Variants in GNAL observed in about 807,000 individuals in gnomAD.
GNAL encodes G protein subunit alpha L, also known as guanine nucleotide-binding protein G(olf) subunit alpha.
GNAL carries 18 observed loss-of-function variants against 55.1 expected under a neutral mutation model. The observed-to-expected ratio is 0.33, with a 90% CI of 0.23 to 0.48. GNAL has a LOEUF of 0.48. Ranked by LOEUF, GNAL falls within the 20% of genes least tolerant of loss-of-function variation. The probability of loss-of-function intolerance (pLI) is 0.99; values close to 1 mark genes in which losing one functional copy is unlikely to be tolerated. For synonymous variants in GNAL, 253 were observed against 237.0 expected (o/e 1.07, Z -0.62); for missense variants, 412 against 614.1 (o/e 0.67, Z 3.48).
At chr18:11,773,635 AT>A (rs1209742343) in intron 4 of GNAL, among the ~76,000 whole-genome samples, 1 of 152,076 alleles carries the variant, frequency 6.6e-6, no homozygotes, top group Non-Finnish European at 1.5e-5. Context: ...AATAAAAAAA[AT>A]AGCCGGGCAT....
intron 1 of GNAL, among the ~76,000 whole-genome samples, chr18:11,704,295 G>C (rs1167904095): frequency 6.6e-6 from 1 of 152,206 alleles, no homozygotes; most frequent in Admixed American, 6.5e-5. Flanking sequence ...ATCACACAGT[G>C]TATTTGGAAT....
intron 11 of GNAL, among the ~76,000 whole-genome samples, chr18:11,879,475 G>T (rs1013930123): frequency 6.6e-6 from 1 of 152,152 alleles, no homozygotes; most frequent in Non-Finnish European, 1.5e-5. Flanking sequence ...CTGGAGGCTG[G>T]AAGTCTGAAA....
At chr18:11,832,455 A>T (rs1038539659) in intron 5 of GNAL, among the ~76,000 whole-genome samples, 1 of 152,164 alleles carries the variant, frequency 6.6e-6, no homozygotes, top group African/African-American at 2.4e-5. Context: ...CACTGATTTG[A>T]TCCTATGGCT....
intron 4 of GNAL, among the ~76,000 whole-genome samples, chr18:11,818,646 G>A (rs2143614041): frequency 6.6e-6 from 1 of 152,334 alleles, no homozygotes; most frequent in South Asian, 2.1e-4. Flanking sequence ...AGTGAGTTTT[G>A]TGGAACCGCA....
intron 11 of GNAL, among the ~76,000 whole-genome samples, chr18:11,876,929 G>A (rs979500964): frequency 6.6e-6 from 1 of 152,160 alleles, no homozygotes; most frequent in African/African-American, 2.4e-5. Context: ...GCGTTCCAGG[G>A]AATGGCACTT....
chr18:11,756,999 A>T (rs1047907221), intron 4 of GNAL, among the ~76,000 whole-genome samples: 1 of 152,240 alleles, frequency 6.6e-6, no homozygotes, highest in Admixed American at 6.5e-5. Flanking sequence ...AAACAAATAC[A>T]TTATATTAAA....
chr18:11,695,134 T>C (rs935373103), intron 1 of GNAL, among the ~76,000 whole-genome samples: 14 of 152,308 alleles, frequency 9.2e-5, no homozygotes, highest in African/African-American at 3.4e-4. Context: ...GGGGAGTGCG[T>C]GCCCTGTCTA....
In GNAL at chr18:11,785,396, A is replaced by G. The variant is rs149199449; in HGVS notation, c.624+31451A>G. Among the ~76,000 whole-genome samples the G allele has an allele frequency of 2.9e-3, 438 of 152,298 alleles. 3 individuals carry two copies. Among genetic ancestry groups the G allele is most frequent in the African/African-American group, 9.7e-3 (405 of 41,574 alleles). ...AAGCCTGTATGCCTCCAAGCCCCCA[A>G]TAAGTAGAACAATGGGAAATGCAAA... On this transcript the variant is annotated intron_variant, in intron 4 of 11. Coordinates refer to ENST00000334049, the MANE Select transcript of GNAL (RefSeq NM_182978.4).
chr18:11,853,569 A>T (rs2035932638), intron 5 of GNAL: 1 of 167,044 alleles, frequency 6.0e-6, no homozygotes, highest in African/African-American at 2.4e-5. Flanking sequence ...TCTTTGAAAG[A>T]TTCATAACCA....
chr18:11,799,098 G>A (rs1476870381), intron 4 of GNAL, among the ~76,000 whole-genome samples: 1 of 151,438 alleles, frequency 6.6e-6, no homozygotes. Context: ...GGGCAACAGA[G>A]CGAGAGTCTG....
At chr18:11,852,606 GGTTTTT>G (rs1277245522) in intron 5 of GNAL, 5 of 58,562 alleles carry the variant, frequency 8.5e-5, no homozygotes, top group African/African-American at 4.1e-4. Flanking sequence ...TTTGGGTTTT[GGTTTTT>G]GTTTTTTTTT....
chr18:11,762,281 A>G (rs913991049), intron 4 of GNAL, among the ~76,000 whole-genome samples: 1 of 152,212 alleles, frequency 6.6e-6, no homozygotes, highest in African/African-American at 2.4e-5. Context: ...CAGTGGGGCC[A>G]CATGGAGGTC....
intron 4 of GNAL, among the ~76,000 whole-genome samples, chr18:11,824,575 T>C (rs1617792): frequency 0.68 from 103,709 of 151,698 alleles, 37,501 homozygotes; most frequent in Admixed American, 0.81. Flanking sequence ...GTAATCCCAG[T>C]TTCTCGGGAG....
chr18:11,695,926 A>ACGCACG (rs1567988375), intron 1 of GNAL, among the ~76,000 whole-genome samples: 3 of 143,628 alleles, frequency 2.1e-5, no homozygotes, highest in African/African-American at 5.6e-5. Flanking sequence ...ACGCATGCAC[A>ACGCACG]CACACACACA....
At chr18:11,784,820 T>C (rs1009163919) in intron 4 of GNAL, among the ~76,000 whole-genome samples, 1 of 152,062 alleles carries the variant, frequency 6.6e-6, no homozygotes, top group African/African-American at 2.4e-5. Context: ...GCGTGCTCTG[T>C]TGGATTATGA....
chr18:11,787,699 C>A (rs1170184231), intron 4 of GNAL, among the ~76,000 whole-genome samples: 1 of 152,036 alleles, frequency 6.6e-6, no homozygotes, highest in Non-Finnish European at 1.5e-5. Context: ...ACAGTGAAAC[C>A]CCATCTCTAC....
intron 5 of GNAL, among the ~76,000 whole-genome samples, chr18:11,827,276 A>G (rs1346762928): frequency 6.6e-6 from 1 of 152,176 alleles, no homozygotes; most frequent in Non-Finnish European, 1.5e-5. Flanking sequence ...TACACTAAAG[A>G]AAGTATTTAC....
intron 11 of GNAL, among the ~76,000 whole-genome samples, chr18:11,880,246 G>C (rs1209488411): frequency 6.7e-6 from 1 of 150,208 alleles, no homozygotes; most frequent in Non-Finnish European, 1.5e-5. Context: ...GACACAGCGA[G>C]ACTCCATCTC....
At chr18:11,809,606 A>G (rs750140416) in intron 4 of GNAL, among the ~76,000 whole-genome samples, 2 of 152,138 alleles carry the variant, frequency 1.3e-5, no homozygotes, top group African/African-American at 2.4e-5. Flanking sequence ...GGTGGCATAC[A>G]TCTGTAATCC....
Sources: allele counts gnomAD v4.1 joint callset (sites outside exome capture counted in the v4.1 genomes callset), GRCh38; gene constraint gnomAD v4.1.1; transcripts MANE v1.5; gene names NCBI Gene and HGNC (gene_info 2026-07-23, HGNC 2026-07-21).